The following RGL1 variants were observed in gnomAD, a reference collection of about 807,000 sequenced individuals.
RGL1 encodes ral guanine nucleotide dissociation stimulator-like 1.
A neutral mutation model predicts 95.2 loss-of-function variants in RGL1; 24 were observed. The ratio of observed to expected loss-of-function variants is 0.25; its 90% CI spans 0.18 to 0.35. RGL1 has a LOEUF of 0.35. Ranked by LOEUF, RGL1 falls within the 10% of genes least tolerant of loss-of-function variation. The probability of loss-of-function intolerance (pLI) is 1.00; values close to 1 mark genes in which losing one functional copy is unlikely to be tolerated. For synonymous variants in RGL1, 329 were observed against 344.9 expected (o/e 0.95, Z 0.51); for missense variants, 715 against 936.3 (o/e 0.76, Z 3.08).
At chr1:183,671,755 G>A (rs1652468189) in intron 1 of RGL1, among the ~76,000 whole-genome samples, 1 of 152,114 alleles carries the variant, frequency 6.6e-6, no homozygotes, top group African/African-American at 2.4e-5. Flanking sequence ...TTTCCAATTA[G>A]GTAGAGTATA....
rs1379930767 is a variant in RGL1 at position 183,894,693 on chromosome 1, A to G, written c.1140+2532A>G. On this transcript the variant is annotated intron_variant, in intron 9 of 17. Transcript: ENST00000360851. The stretch of plus-strand genomic sequence containing the variant: ...GGTTGGGTAACAATATAATAGTTTC[A>G]TTTTATTTTATTTTTTGTAGATATG... 2.0e-5 allele frequency among the ~76,000 whole-genome samples: 3 copies of G among 152,014 alleles called. No individual in the cohort carries two copies. In the South Asian group the frequency reaches 6.2e-4, roughly 32 times the overall value.
chr1:183,897,359 C>A (rs1667758955), intron 9 of RGL1, among the ~76,000 whole-genome samples: 1 of 152,054 alleles, frequency 6.6e-6, no homozygotes. Flanking sequence ...CATGGCGAAA[C>A]CCCATCTCTA....
At chr1:183,769,671 C>A (rs1659179656) in intron 2 of RGL1, among the ~76,000 whole-genome samples, 1 of 152,214 alleles carries the variant, frequency 6.6e-6, no homozygotes, top group Non-Finnish European at 1.5e-5. Flanking sequence ...TACAAACTCA[C>A]CAGTTTACAA....
intron 2 of RGL1, among the ~76,000 whole-genome samples, chr1:183,840,753 G>C (rs1431024196): frequency 1.3e-5 from 2 of 151,876 alleles, no homozygotes; most frequent in Non-Finnish European, 2.9e-5. Context: ...TAAATTAGCT[G>C]GGGTGGTGCG....
At position 183,926,837 on chromosome 1, in the gene RGL1, A is replaced by G. The variant is rs924436114; in HGVS notation, c.*545A>G. The G allele has an allele frequency of 6.6e-5, 10 of 152,666 alleles. No homozygotes were observed. The highest frequency in any genetic ancestry group is 2.2e-4 in the African/African-American group (9 of 41,454). The allele number at this position is 152,666 out of a possible 1,614,324, so 9.5% of individuals were successfully genotyped here. On this transcript the variant is annotated 3_prime_UTR_variant, in exon 18 of 18. Transcript: ENST00000360851. The stretch of plus-strand genomic sequence containing the variant: ...ATGACTTTCTCAATCAAGTGCCACC[A>G]GATAAAAACAACTGCAGAGGCTGGA...
intron 2 of RGL1, among the ~76,000 whole-genome samples, chr1:183,846,417 G>A (rs1185643502): frequency 6.6e-6 from 1 of 151,972 alleles, no homozygotes; most frequent in African/African-American, 2.4e-5. Context: ...GACTAGGGGA[G>A]GGATAGCCTT....
At chr1:183,691,817 A>G (rs1248727657) in intron 1 of RGL1, among the ~76,000 whole-genome samples, 4 of 152,114 alleles carry the variant, frequency 2.6e-5, no homozygotes, top group Non-Finnish European at 4.4e-5. Flanking sequence ...TGCATAACTA[A>G]TGTTAATTTA....
At chr1:183,695,724 C>T (rs939667302) in intron 1 of RGL1, among the ~76,000 whole-genome samples, 5 of 152,124 alleles carry the variant, frequency 3.3e-5, no homozygotes, top group Non-Finnish European at 7.4e-5. Context: ...GAATTTATTT[C>T]ACAAGTTCAG....
At chr1:183,843,321 T>C (rs1664190066) in intron 2 of RGL1, among the ~76,000 whole-genome samples, 1 of 152,232 alleles carries the variant, frequency 6.6e-6, no homozygotes, top group South Asian at 2.1e-4. Flanking sequence ...TGGTTCTTCC[T>C]AATGCACAGA....
chr1:183,797,159 G>C (rs745496979), intron 2 of RGL1, among the ~76,000 whole-genome samples: 1 of 151,766 alleles, frequency 6.6e-6, no homozygotes, highest in Non-Finnish European at 1.5e-5. Context: ...GCGAAACCCC[G>C]TCTCTATAAA....
intron 1 of RGL1, among the ~76,000 whole-genome samples, chr1:183,667,876 C>G (rs1652149386): frequency 6.6e-6 from 1 of 152,050 alleles, no homozygotes; most frequent in Non-Finnish European, 1.5e-5. Flanking sequence ...TATAACTAAT[C>G]TAAGTACACT....
chr1:183,841,772 G>T (rs1224902906), intron 2 of RGL1, among the ~76,000 whole-genome samples: 2 of 152,146 alleles, frequency 1.3e-5, no homozygotes, highest in Non-Finnish European at 2.9e-5. Flanking sequence ...TGAGTAATAT[G>T]GAGAGATGAG....
chr1:183,907,442 C>T (rs1668402664), intron 14 of RGL1, among the ~76,000 whole-genome samples: 1 of 152,094 alleles, frequency 6.6e-6, no homozygotes, highest in South Asian at 2.1e-4. Context: ...GTATAAAAAC[C>T]CCTATAGCTT....
At chr1:183,805,017 G>A (rs1378804856), upstream of RGL1, 5 of 332,062 alleles carry the variant, frequency 1.5e-5, no homozygotes, top group African/African-American at 2.2e-5. Context: ...ACTGAAGAAA[G>A]GGAGAGTGTG....
At chr1:183,807,899 C>G (rs1661447270) in intron 2 of RGL1, among the ~76,000 whole-genome samples, 2 of 152,092 alleles carry the variant, frequency 1.3e-5, no homozygotes, top group Admixed American at 1.3e-4. Flanking sequence ...CAAGTCATCA[C>G]TTTGTTTTTG....
chr1:183,742,272 G>A, exon 2 of RGL1: 3 of 1,614,036 alleles, frequency 1.9e-6, no homozygotes, highest in Non-Finnish European at 2.5e-6. Context: ...AATATGGGAA[G>A]TTTTAAAGAC....
At chr1:183,848,175 T>C (rs1664570775) in intron 3 of RGL1, among the ~76,000 whole-genome samples, 1 of 152,198 alleles carries the variant, frequency 6.6e-6, no homozygotes, top group African/African-American at 2.4e-5. Flanking sequence ...GAGCTCATTC[T>C]TAGATCCACA....
chr1:183,849,486 T>A (rs1664681251), intron 3 of RGL1, among the ~76,000 whole-genome samples: 4 of 117,316 alleles, frequency 3.4e-5, no homozygotes, highest in African/African-American at 8.5e-5. Context: ...GTTTTTAGTT[T>A]TTTTTTTTTT....
At chr1:183,818,594 A>AC (rs1662242196) in intron 2 of RGL1, among the ~76,000 whole-genome samples, 1 of 151,616 alleles carries the variant, frequency 6.6e-6, no homozygotes, top group African/African-American at 2.4e-5. Context: ...CACTATTAAA[A>AC]AAAATGTTTC....
Sources: gnomAD v4.1 joint callset for allele counts (sites outside exome capture counted in the v4.1 genomes callset) on GRCh38, gnomAD v4.1.1 for gene constraint, MANE v1.5 for transcripts, NCBI Gene and HGNC (gene_info 2026-07-23, HGNC 2026-07-21) for gene names.